Variants in CLIP4 observed in about 807,000 individuals in gnomAD.
CLIP4 encodes the protein CAP-Gly domain-containing linker protein 4.
In CLIP4, 47 loss-of-function variants were observed where a neutral mutation model predicts 73.1. The observed-to-expected ratio is 0.64, with a 90% CI of 0.51 to 0.82. The LOEUF is 0.82. Among genes scored for constraint, CLIP4 ranks in the 40% least tolerant of loss-of-function variants. CLIP4 has a pLI of 0.00. For synonymous variants in CLIP4, 306 were observed against 295.4 expected, an observed-to-expected ratio of 1.04 and a Z score of -0.37; for missense variants, 874 against 852.9, an observed-to-expected ratio of 1.02 and a Z score of -0.31.
chr2:29,178,898 G>A (rs573909350), intron 15 of CLIP4, among the ~76,000 whole-genome samples: 1 of 152,118 alleles, frequency 6.6e-6, no homozygotes, highest in South Asian at 2.1e-4. Context: ...GAGTTCAAGC[G>A]ATTATCATGC....
chr2:29,183,639 C>G lies in CLIP4; in HGVS notation c.*1746C>G, dbSNP rs1013561914. On this transcript the variant is annotated 3_prime_UTR_variant, in exon 16 of 16. Coordinates refer to ENST00000320081, the MANE Select transcript of CLIP4 (RefSeq NM_024692.6). ...TGAATTTATTTTTGAGGTCAAAGAA[C>G]CAGTTGTTCTCTTTATATTTAGATG... 6.6e-6 allele frequency: 1 copy of G among 152,560 alleles called. No homozygotes were observed. Among genetic ancestry groups the G allele is most frequent in the Non-Finnish European group, 1.5e-5 (1 of 68,030 alleles). 9.5% of individuals were successfully genotyped at this position (152,560 alleles called of 1,614,324 possible). A position where few individuals can be genotyped will look rare whatever the true frequency, so the allele number is the denominator to read the frequency against.
chr2:29,103,342 CA>C (rs1263648630), intron 1 of CLIP4, among the ~76,000 whole-genome samples: 2 of 151,844 alleles, frequency 1.3e-5, no homozygotes, highest in Admixed American at 1.3e-4. Context: ...CTTAATGACC[CA>C]ATTTTCTCTG....
In CLIP4 at chr2:29,108,188, T is replaced by A. The variant is rs1204388408; in HGVS notation, c.-16+10241T>A. Among the ~76,000 whole-genome samples the A allele has an allele frequency of 2.6e-5, 4 of 152,236 alleles. 1 individual carries two copies. In the South Asian group the frequency reaches 6.2e-4, roughly 24 times the overall value. ...TGCATACCTATGATAAAGTTTAATT[T>A]GTAAATTAGGCACAGTAAGAGATTA... On this transcript the variant is annotated intron_variant, in intron 1 of 14. Transcript: ENST00000401605.
At chr2:29,158,665 A>G (rs1337569360) in intron 11 of CLIP4, among the ~76,000 whole-genome samples, 1 of 152,230 alleles carries the variant, frequency 6.6e-6, no homozygotes, top group Non-Finnish European at 1.5e-5. Context: ...AGAACGAACA[A>G]TAATGGAAAG....
intron 9 of CLIP4, among the ~76,000 whole-genome samples, chr2:29,153,498 C>CT (rs36056745): frequency 0.35 from 52,948 of 151,824 alleles, 10,628 homozygotes; most frequent in East Asian, 0.72. Context: ...TTTGTATGTG[C>CT]TTTTTTTATC....
At chr2:29,140,537 CAT>C (rs1478259304) in intron 6 of CLIP4, among the ~76,000 whole-genome samples, 13 of 152,162 alleles carry the variant, frequency 8.5e-5, no homozygotes, top group South Asian at 2.1e-4. Context: ...CTGCAATAAA[CAT>C]ATGTGTGCAT....
intron 8 of CLIP4, among the ~76,000 whole-genome samples, chr2:29,151,697 G>T (rs1666579835): frequency 6.6e-6 from 1 of 152,072 alleles, no homozygotes; most frequent in Admixed American, 6.5e-5. Context: ...AGTTGTTTTT[G>T]ATATATTCCA....
intron 8 of CLIP4, among the ~76,000 whole-genome samples, chr2:29,145,621 G>T (rs1666104849): frequency 6.6e-6 from 1 of 152,144 alleles, no homozygotes; most frequent in African/African-American, 2.4e-5. Context: ...TGAAAAACTT[G>T]AAAGGGAAAA....
intron 6 of CLIP4, among the ~76,000 whole-genome samples, chr2:29,141,208 T>C (rs1220919807): frequency 6.6e-6 from 1 of 152,238 alleles, no homozygotes; most frequent in Non-Finnish European, 1.5e-5. Flanking sequence ...GGTGTGATTT[T>C]GATTTTTTTG....
At chr2:29,155,784 C>T (rs1239850763) in intron 9 of CLIP4, among the ~76,000 whole-genome samples, 3 of 152,172 alleles carry the variant, frequency 2.0e-5, no homozygotes, top group South Asian at 2.1e-4. Context: ...GCTGTGGTTT[C>T]GTTGCAGCCC....
At chr2:29,166,111 T>G (rs913688394) in intron 13 of CLIP4, among the ~76,000 whole-genome samples, 5 of 152,158 alleles carry the variant, frequency 3.3e-5, no homozygotes, top group African/African-American at 1.2e-4. Flanking sequence ...GTGCTAGGCA[T>G]TCTATAAGCG....
At chr2:29,137,511 T>G (rs1665453898) in intron 6 of CLIP4, among the ~76,000 whole-genome samples, 1 of 152,186 alleles carries the variant, frequency 6.6e-6, no homozygotes, top group African/African-American at 2.4e-5. Flanking sequence ...TTTGGTAAAA[T>G]AATTTATTTT....
At chr2:29,127,206 A>G (rs1664664684) in intron 2 of CLIP4, among the ~76,000 whole-genome samples, 2 of 152,112 alleles carry the variant, frequency 1.3e-5, no homozygotes, top group South Asian at 2.1e-4. Context: ...TGTAAAGTCA[A>G]TCTGAATTCC....
intron 14 of CLIP4, among the ~76,000 whole-genome samples, chr2:29,170,747 A>G (rs771981899): frequency 1.6e-4 from 25 of 152,082 alleles, no homozygotes; most frequent in African/African-American, 2.9e-4. Context: ...TATAAGATCT[A>G]TGATCCATTT....
chr2:29,180,367 A>G (rs980997634), intron 15 of CLIP4, among the ~76,000 whole-genome samples: 1 of 152,176 alleles, frequency 6.6e-6, no homozygotes, highest in Non-Finnish European at 1.5e-5. Context: ...GGATGAGTGC[A>G]CTGGGGAGTC....
intron 9 of CLIP4, 88 bp from the exon 10 acceptor site, chr2:29,156,266 G>A (rs985818736): frequency 2.5e-6 from 2 of 790,936 alleles, no homozygotes; most frequent in East Asian, 3.0e-5. Context: ...GTGAGATTTC[G>A]ATAATGAGGG....
chr2:29,134,341 C>T (rs1403495447), intron 5 of CLIP4, among the ~76,000 whole-genome samples: 1 of 152,010 alleles, frequency 6.6e-6, no homozygotes, highest in African/African-American at 2.4e-5. Context: ...CTCTGGTTCT[C>T]TTGGGGCCCA....
At chr2:29,178,788 T>C (rs1668489706) in intron 15 of CLIP4, among the ~76,000 whole-genome samples, 1 of 152,170 alleles carries the variant, frequency 6.6e-6, no homozygotes, top group South Asian at 2.1e-4. Context: ...TGTGTGAGTG[T>C]GTTTTTCAAT....
intron 6 of CLIP4, among the ~76,000 whole-genome samples, chr2:29,140,079 TTTTG>T (rs1306652088): frequency 6.6e-6 from 1 of 152,088 alleles, no homozygotes; most frequent in Non-Finnish European, 1.5e-5. Context: ...TTATTTTTTA[TTTTG>T]TTTCTTTTAT....
Sources: allele counts gnomAD v4.1 joint callset (sites outside exome capture counted in the v4.1 genomes callset), GRCh38; gene constraint gnomAD v4.1.1; transcripts MANE v1.5; gene names NCBI Gene and HGNC (gene_info 2026-07-23, HGNC 2026-07-21).